UBL3: variants seen among roughly 807,000 people sequenced by gnomAD.
UBL3 encodes the protein ubiquitin-like protein 3.
UBL3 carries 6 observed loss-of-function variants against 18.4 expected under a neutral mutation model. That is an observed-to-expected ratio of 0.33 (90% CI 0.18 to 0.64). The LOEUF (loss-of-function observed/expected upper bound fraction) is 0.64, where lower values mean the gene tolerates loss of function less well. Ranked by LOEUF, UBL3 falls within the 30% of genes least tolerant of loss-of-function variation. The pLI, the probability that UBL3 is intolerant of heterozygous loss-of-function variation, is 0.76. For missense variants in UBL3, 109 were observed against 142.9 expected (o/e 0.76, Z 1.21); for synonymous variants, 49 against 46.6 (o/e 1.05, Z -0.21).
intron 1 of UBL3, among the ~76,000 whole-genome samples, chr13:29,788,179 T>C (rs1877376528): frequency 6.6e-6 from 1 of 152,196 alleles, no homozygotes; most frequent in South Asian, 2.1e-4. Flanking sequence ...TGATACAGGA[T>C]AAATCTTTTA....
At chr13:29,783,083 G>A (rs1877220458) in intron 1 of UBL3, among the ~76,000 whole-genome samples, 1 of 152,208 alleles carries the variant, frequency 6.6e-6, no homozygotes, top group African/African-American at 2.4e-5. Context: ...GCATTGTATT[G>A]AATGAGTGGC....
At chr13:29,822,986 G>A (rs181353736) in intron 1 of UBL3, among the ~76,000 whole-genome samples, 132 of 152,028 alleles carry the variant, frequency 8.7e-4, no homozygotes, top group African/African-American at 3.1e-3. Context: ...GAAAAAACAT[G>A]AATAGTATTC....
At chr13:29,767,723 T>C (rs1420141749) in intron 3 of UBL3, 28 bp from the exon 4 acceptor site, 1 of 1,590,012 alleles carries the variant, frequency 6.3e-7, no homozygotes. Flanking sequence ...GATGATTAGT[T>C]ACACATATAT....
In UBL3 at chr13:29,831,154, T is replaced by C. The variant is rs78556617; in HGVS notation, c.27+18358A>G. On this transcript the variant is annotated intron_variant, in intron 1 of 4. Transcript: ENST00000380680. ...CCTTGGTGACTCATCTAATCTCATATTGATATTTTTTCAACTGAATGCTCA... is the reference window on the plus strand; with the variant it reads ...CCTTGGTGACTCATCTAATCTCATACTGATATTTTTTCAACTGAATGCTCA... Among the ~76,000 whole-genome samples, 4 of 152,280 alleles carry C rather than the reference T, an allele frequency of 2.6e-5. No individual in the cohort carries two copies. The East Asian group carries it at 7.7e-4, about 29-fold the overall frequency.
chr13:29,780,675 G>A (rs4769774), intron 1 of UBL3, among the ~76,000 whole-genome samples: 28,044 of 151,656 alleles, frequency 0.18, 2,819 homozygotes, highest in African/African-American at 0.26. Context: ...TACTAATAAG[G>A]TTGAGAAAAG....
intron 1 of UBL3, among the ~76,000 whole-genome samples, chr13:29,814,381 G>A (rs565633954): frequency 2.6e-5 from 4 of 151,766 alleles, no homozygotes; most frequent in Admixed American, 6.6e-5. Flanking sequence ...TAATGGCAAT[G>A]ACATGAAAAC....
rs914806082 is a variant in UBL3 at position 29,766,267 on chromosome 13, A to G, written c.*988T>C. On this transcript the variant is annotated 3_prime_UTR_variant, in exon 5 of 5. Transcript: ENST00000380680. ...AATTGCAAGCACTAATATCAAACGC[A>G]AACTATATAAAGAAACAAAATTAGT... 1 of 152,588 alleles carries G rather than the reference A, an allele frequency of 6.6e-6. No individual in the cohort carries two copies. Among genetic ancestry groups the G allele is most frequent in the African/African-American group, 2.4e-5 (1 of 41,452 alleles). 9.5% of individuals were successfully genotyped at this position (152,588 alleles called of 1,614,324 possible).
chr13:29,766,279 G>C lies in UBL3; in HGVS notation c.*976C>G, dbSNP rs1876677932. The C allele has an allele frequency of 6.6e-6, 1 of 152,234 alleles. No individual in the cohort carries two copies. Among genetic ancestry groups the C allele is most frequent in the South Asian group, 2.1e-4 (1 of 4,826 alleles). The allele number at this position is 152,234 out of a possible 1,614,324, so 9.4% of individuals were successfully genotyped here. A position where few individuals can be genotyped will look rare whatever the true frequency, so the allele number is the denominator to read the frequency against. Reference sequence around the variant, plus strand: ...TAATATCAAACGCAAACTATATAAAGAAACAAAATTAGTACTATGGAGTTT... The same window carrying C: ...TAATATCAAACGCAAACTATATAAACAAACAAAATTAGTACTATGGAGTTT... On this transcript the variant is annotated 3_prime_UTR_variant, in exon 5 of 5. Transcript: ENST00000380680.
chr13:29,772,342 A>T, intron 2 of UBL3, 144 bp from the exon 3 acceptor site: 1 of 506,264 alleles, frequency 2.0e-6, no homozygotes, highest in Non-Finnish European at 3.3e-6. Flanking sequence ...AACAGTCACT[A>T]TTCATACATT....
At chr13:29,834,367 C>A (rs868837997) in intron 1 of UBL3, among the ~76,000 whole-genome samples, 1 of 151,788 alleles carries the variant, frequency 6.6e-6, no homozygotes, top group African/African-American at 2.4e-5. Flanking sequence ...TCATATATGA[C>A]ATAATATATT....
At chr13:29,810,996 G>A (rs1479183480) in intron 1 of UBL3, among the ~76,000 whole-genome samples, 1 of 152,022 alleles carries the variant, frequency 6.6e-6, no homozygotes, top group East Asian at 1.9e-4. Flanking sequence ...AGTCAATGGT[G>A]GTACAGGTTA....
chr13:29,798,035 T>C (rs1339505353), intron 1 of UBL3, among the ~76,000 whole-genome samples: 1 of 151,922 alleles, frequency 6.6e-6, no homozygotes, highest in Non-Finnish European at 1.5e-5. Flanking sequence ...TATATATTTT[T>C]TTTTTGGAGA....
intron 1 of UBL3, among the ~76,000 whole-genome samples, chr13:29,819,904 C>A (rs566401509): frequency 2.0e-5 from 3 of 151,984 alleles, no homozygotes; most frequent in Admixed American, 1.3e-4. Flanking sequence ...CCAATCCCTA[C>A]CCCCAAAACT....
intron 2 of UBL3, among the ~76,000 whole-genome samples, chr13:29,776,690 G>A (rs1350391671): frequency 6.6e-6 from 1 of 151,776 alleles, no homozygotes; most frequent in Non-Finnish European, 1.5e-5. Context: ...GGCCGACATG[G>A]TGAAACCCTG....
At chr13:29,785,715 T>A (rs892710810) in intron 1 of UBL3, among the ~76,000 whole-genome samples, 2 of 152,224 alleles carry the variant, frequency 1.3e-5, no homozygotes, top group Non-Finnish European at 2.9e-5. Context: ...TTTCTTTTAT[T>A]CATTTATTCA....
At chr13:29,844,582 T>C (rs957189) in intron 1 of UBL3, among the ~76,000 whole-genome samples, 43,065 of 152,028 alleles carry the variant, frequency 0.28, 6,179 homozygotes, top group East Asian at 0.42. Flanking sequence ...CATTGTTAGA[T>C]TGGGCTATCT....
At chr13:29,816,141 A>G (rs990414959) in intron 1 of UBL3, among the ~76,000 whole-genome samples, 24 of 152,198 alleles carry the variant, frequency 1.6e-4, no homozygotes, top group Non-Finnish European at 3.4e-4. Flanking sequence ...AAATAAGACA[A>G]TATGAATGAA....
At chr13:29,809,263 C>T (rs909896165) in intron 1 of UBL3, among the ~76,000 whole-genome samples, 4 of 152,036 alleles carry the variant, frequency 2.6e-5, no homozygotes, top group Admixed American at 2.0e-4. Context: ...GAAAGGGATA[C>T]TTGCACTGAG....
Position 29,849,404 on chromosome 13 carries a change from G to A in UBL3, c.27+108C>T, listed in dbSNP as rs1879311219. On this transcript the variant is annotated intron_variant, in intron 1 of 4. Coordinates refer to ENST00000380680, the MANE Select transcript of UBL3 (RefSeq NM_007106.4). ...CTTCTCCAAATCGCTCAGCACAGTGGCTTTTCGACAGTCCCCAGCAAATCT... is the reference window on the plus strand; with the variant it reads ...CTTCTCCAAATCGCTCAGCACAGTGACTTTTCGACAGTCCCCAGCAAATCT... The A allele has an allele frequency of 2.7e-6, 4 of 1,488,798 alleles. No individual in the cohort carries two copies. The Admixed American group carries it at 5.2e-5, about 19-fold the overall frequency. The allele number at this position is 1,488,798 out of a possible 1,614,324, so 92.2% of individuals were successfully genotyped here.
Sources: allele counts gnomAD v4.1 joint callset (sites outside exome capture counted in the v4.1 genomes callset), GRCh38; gene constraint gnomAD v4.1.1; transcripts MANE v1.5; gene names NCBI Gene and HGNC (gene_info 2026-07-23, HGNC 2026-07-21).